GLRA2: variants seen among roughly 807,000 people sequenced by gnomAD.
GLRA2 encodes glycine receptor alpha 2, also known as glycine receptor subunit alpha-2.
A neutral mutation model predicts 31.6 loss-of-function variants in GLRA2; 11 were observed. That is an observed-to-expected ratio of 0.35 (90% CI 0.22 to 0.58). The LOEUF (loss-of-function observed/expected upper bound fraction) is 0.58. GLRA2 is among the 20% of genes least tolerant of loss of function. The pLI is 0.84. For missense variants in GLRA2, 212 were observed against 351.8 expected, an observed-to-expected ratio of 0.60 and a Z score of 3.18; for synonymous variants, 132 against 134.0, an observed-to-expected ratio of 0.99 and a Z score of 0.10.
the GLRA2 span, among the ~76,000 whole-genome samples, chrX:14,469,466 C>G: frequency 9.3e-6 from 1 of 107,883 alleles, no homozygotes; most frequent in Non-Finnish European, 1.9e-5. Flanking sequence ...CAATGATAGA[C>G]TGGATTAAGA....
chrX:14,558,573 C>A (rs916836419), intron 2 of GLRA2, among the ~76,000 whole-genome samples: 1 of 111,851 alleles, frequency 8.9e-6, no homozygotes, highest in Non-Finnish European at 1.9e-5. Flanking sequence ...AGTGATCACT[C>A]TTTATGAGAT....
chrX:14,614,237 G>A (rs920638001), intron 7 of GLRA2, among the ~76,000 whole-genome samples: 10 of 111,401 alleles, frequency 9.0e-5, no homozygotes, highest in African/African-American at 1.6e-4. Flanking sequence ...TCATGTGACC[G>A]AAGCTGTGGT....
At chrX:14,460,908 A>G in the GLRA2 span, among the ~76,000 whole-genome samples, 1 of 110,002 alleles carries the variant, frequency 9.1e-6, no homozygotes, top group Non-Finnish European at 1.9e-5. Flanking sequence ...TAGCTTTTGA[A>G]TGTGTTTGCT....
At chrX:14,484,100 G>A in the GLRA2 span, among the ~76,000 whole-genome samples, 6,777 of 111,089 alleles carry the variant, frequency 0.061, 543 homozygotes, top group African/African-American at 0.21. Context: ...ACTCGTATAT[G>A]TATTTCATAT....
chrX:14,492,382 G>A, the GLRA2 span, among the ~76,000 whole-genome samples: 1 of 110,880 alleles, frequency 9.0e-6, no homozygotes, highest in Non-Finnish European at 1.9e-5. Flanking sequence ...AATTCAAAAG[G>A]TATTGAGAAC....
At chrX:14,526,827 T>C (rs2089189135), upstream of GLRA2, among the ~76,000 whole-genome samples, 1 of 111,737 alleles carries the variant, frequency 8.9e-6, no homozygotes, top group Non-Finnish European at 1.9e-5. Context: ...GGAAATTATA[T>C]TACCATAATA....
chrX:14,487,115 A>T, the GLRA2 span, among the ~76,000 whole-genome samples: 3 of 110,591 alleles, frequency 2.7e-5, no homozygotes, highest in East Asian at 2.8e-4. Context: ...TATATTTAAT[A>T]AAAAACACAG....
the GLRA2 span, among the ~76,000 whole-genome samples, chrX:14,472,245 G>T: frequency 1.8e-5 from 2 of 112,409 alleles, no homozygotes; most frequent in East Asian, 2.8e-4. Flanking sequence ...TGGCTGGCCA[G>T]TGTAGCTGAC....
At chrX:14,541,720 CAT>C (rs1601692420) in intron 2 of GLRA2, among the ~76,000 whole-genome samples, 1 of 111,554 alleles carries the variant, frequency 9.0e-6, no homozygotes, top group African/African-American at 3.3e-5. Flanking sequence ...ATGAGGCACA[CAT>C]TTGGCAAACC....
chrX:14,562,940 G>A (rs2089753270), intron 2 of GLRA2, among the ~76,000 whole-genome samples: 1 of 111,976 alleles, frequency 8.9e-6, no homozygotes, highest in African/African-American at 3.3e-5. Context: ...TGGAAAGGCA[G>A]TGAGTATTAA....
At chrX:14,459,370 C>T in the GLRA2 span, among the ~76,000 whole-genome samples, 1 of 110,626 alleles carries the variant, frequency 9.0e-6, no homozygotes, top group African/African-American at 3.3e-5. Flanking sequence ...TTTTTTGGTT[C>T]CATATGAACT....
Position 14,606,982 on chromosome X carries a change from G to A in GLRA2, c.578-149G>A, listed in dbSNP as rs1277525368. 4 of 402,215 alleles carry A rather than the reference G, an allele frequency of 9.9e-6. No homozygotes were observed. The African/African-American group carries it at 1.0e-4, about 10-fold the overall frequency. The allele number at this position is 402,215 out of a possible 1,213,427, so 33.1% of individuals were successfully genotyped here. ...TCCAATGACACAGAGTTGTAGTGAT[G>A]ATTGCAGCTCTTTTATTAAGAATGC... On this transcript the variant is annotated intron_variant, in intron 5 of 8. Transcript: ENST00000218075.
intron 2 of GLRA2, among the ~76,000 whole-genome samples, chrX:14,569,992 T>C (rs1387463192): frequency 2.7e-5 from 3 of 111,780 alleles, no homozygotes; most frequent in African/African-American, 9.7e-5. Context: ...AAGAAATCAG[T>C]CACAAAGGAC....
At chrX:14,660,892 A>G (rs2090984223) in intron 7 of GLRA2, among the ~76,000 whole-genome samples, 1 of 112,273 alleles carries the variant, frequency 8.9e-6, no homozygotes, top group Non-Finnish European at 1.9e-5. Flanking sequence ...TAGGCATTTG[A>G]TATAGGAGTG....
intron 7 of GLRA2, among the ~76,000 whole-genome samples, chrX:14,670,831 C>T (rs1183556480): frequency 9.0e-6 from 1 of 111,519 alleles, no homozygotes; most frequent in Non-Finnish European, 1.9e-5. Context: ...ATATCCACAT[C>T]CTTATAGGCT....
chrX:14,688,637 A>G (rs2091306981), intron 7 of GLRA2, among the ~76,000 whole-genome samples: 1 of 111,482 alleles, frequency 9.0e-6, no homozygotes. Flanking sequence ...GCCGCTTGCT[A>G]AGACCATTGC....
intron 8 of GLRA2, among the ~76,000 whole-genome samples, chrX:14,694,856 G>C (rs1462727398): frequency 1.8e-5 from 2 of 111,947 alleles, no homozygotes; most frequent in East Asian, 5.6e-4. Context: ...GAAGAGATGA[G>C]AAGATGAATT....
At chrX:14,587,215 G>T (rs969700622) in intron 4 of GLRA2, among the ~76,000 whole-genome samples, 2 of 112,292 alleles carry the variant, frequency 1.8e-5, no homozygotes, top group African/African-American at 6.5e-5. Flanking sequence ...CAGCTAGGCT[G>T]GTTCCATGTC....
At chrX:14,720,395 A>G (rs931402552) in intron 8 of GLRA2, among the ~76,000 whole-genome samples, 1 of 112,183 alleles carries the variant, frequency 8.9e-6, no homozygotes, top group Admixed American at 9.5e-5. Flanking sequence ...GAAGCATCTC[A>G]GGTTAAGCAT....
Sources: allele counts gnomAD v4.1 joint callset (sites outside exome capture counted in the v4.1 genomes callset), GRCh38; gene constraint gnomAD v4.1.1; transcripts MANE v1.5; gene names NCBI Gene and HGNC (gene_info 2026-07-23, HGNC 2026-07-21).